Variants in MAF observed in about 807,000 individuals in gnomAD.
The protein encoded by MAF is MAF bZIP transcription factor, also known as transcription factor Maf.
Under a neutral mutation model 22.0 loss-of-function variants are expected in MAF, and 10 were observed. The observed-to-expected ratio is 0.45, with a 90% confidence interval of 0.28 to 0.77. The LOEUF is 0.77. Among genes scored for constraint, MAF ranks in the 30% least tolerant of loss-of-function variants. The pLI is 0.12. For missense variants in MAF, 544 were observed against 548.4 expected, an observed-to-expected ratio of 0.99 and a Z score of 0.08; for synonymous variants, 337 against 255.8, an observed-to-expected ratio of 1.32 and a Z score of -3.03.
chr16:79,399,333 T>C, the MAF span, among the ~76,000 whole-genome samples: 3 of 152,168 alleles, frequency 2.0e-5, no homozygotes, highest in South Asian at 6.2e-4. Flanking sequence ...TCAATTATTA[T>C]TATATCATCA....
chr16:79,209,921 C>T, the MAF span, among the ~76,000 whole-genome samples: 4 of 152,170 alleles, frequency 2.6e-5, no homozygotes, highest in East Asian at 1.9e-4. Flanking sequence ...ACTTGAGCCA[C>T]ACAAATCAAT....
At chr16:79,340,622 A>T in the MAF span, among the ~76,000 whole-genome samples, 1 of 151,870 alleles carries the variant, frequency 6.6e-6, no homozygotes, top group Non-Finnish European at 1.5e-5. Flanking sequence ...AATCTCAGAC[A>T]ACTTTATATG....
the MAF span, among the ~76,000 whole-genome samples, chr16:79,282,277 C>G: frequency 6.6e-6 from 1 of 152,126 alleles, no homozygotes; most frequent in African/African-American, 2.4e-5. Context: ...ATCCATGGCC[C>G]AGGCATTAAG....
the MAF span, among the ~76,000 whole-genome samples, chr16:79,358,999 T>G: frequency 4.6e-5 from 7 of 152,126 alleles, no homozygotes; most frequent in South Asian, 2.1e-4. Flanking sequence ...AGAAAGGCTC[T>G]CCACAAAATG....
intron 1 of MAF, chr16:79,597,398 G>A: frequency 1.2e-5 from 12 of 1,032,252 alleles, no homozygotes; most frequent in Non-Finnish European, 1.4e-5. Flanking sequence ...AAATAATGGG[G>A]CAGTTTCTCT....
At chr16:79,329,648 C>G in the MAF span, among the ~76,000 whole-genome samples, 2 of 152,194 alleles carry the variant, frequency 1.3e-5, no homozygotes, top group East Asian at 1.9e-4. Context: ...CTGAATAACC[C>G]TCTAAACACC....
the MAF span, among the ~76,000 whole-genome samples, chr16:79,291,460 G>A: frequency 6.6e-6 from 1 of 152,042 alleles, no homozygotes; most frequent in Non-Finnish European, 1.5e-5. Flanking sequence ...TCTCCAGCGG[G>A]TAGTGGCTTC....
chr16:79,413,655 G>C, the MAF span, among the ~76,000 whole-genome samples: 3 of 152,120 alleles, frequency 2.0e-5, no homozygotes, highest in South Asian at 6.2e-4. Flanking sequence ...AATAACATAT[G>C]TCAATAATGT....
the MAF span, among the ~76,000 whole-genome samples, chr16:79,321,928 T>C: frequency 6.6e-6 from 1 of 151,900 alleles, no homozygotes; most frequent in African/African-American, 2.4e-5. Flanking sequence ...AACTTGAACA[T>C]CCTGTTAAAA....
the MAF span, among the ~76,000 whole-genome samples, chr16:79,301,100 A>G: frequency 6.6e-6 from 1 of 152,196 alleles, no homozygotes; most frequent in Non-Finnish European, 1.5e-5. Flanking sequence ...AGAGCCGTCC[A>G]GGTAGGGAGG....
At chr16:79,278,252 C>G in the MAF span, among the ~76,000 whole-genome samples, 1 of 152,202 alleles carries the variant, frequency 6.6e-6, no homozygotes, top group Non-Finnish European at 1.5e-5. Flanking sequence ...GGCAACCGTT[C>G]AAGGGGAAAG....
the MAF span, among the ~76,000 whole-genome samples, chr16:79,576,340 T>C: frequency 6.6e-6 from 1 of 151,494 alleles, no homozygotes; most frequent in African/African-American, 2.4e-5. Flanking sequence ...AAAAAACTGG[T>C]TCCATGTTCT....
the MAF span, among the ~76,000 whole-genome samples, chr16:79,571,497 T>A: frequency 1.3e-4 from 20 of 150,658 alleles, no homozygotes; most frequent in South Asian, 6.3e-4. Flanking sequence ...GGTGCAGTAT[T>A]AGCATACTAC....
At chr16:79,426,714 G>C in the MAF span, among the ~76,000 whole-genome samples, 1 of 152,338 alleles carries the variant, frequency 6.6e-6, no homozygotes, top group East Asian at 1.9e-4. Flanking sequence ...ATTCACAGAA[G>C]GACATGTAGC....
At chr16:79,496,746 A>G in the MAF span, among the ~76,000 whole-genome samples, 747 of 152,350 alleles carry the variant, frequency 4.9e-3, 6 homozygotes, top group Non-Finnish European at 6.1e-3. Flanking sequence ...TATGAAAATA[A>G]ACACACCAGT....
chr16:79,465,972 C>G, the MAF span, among the ~76,000 whole-genome samples: 2 of 152,322 alleles, frequency 1.3e-5, no homozygotes, highest in East Asian at 3.9e-4. Context: ...GCTTGGCAAA[C>G]TTGTATTCAT....
At chr16:79,598,290 AACAC>A (rs1256581211) in intron 1 of MAF, 3 of 1,037,404 alleles carry the variant, frequency 2.9e-6, no homozygotes, top group Non-Finnish European at 3.5e-6. Flanking sequence ...AACAAAATAA[AACAC>A]ACACACACAC....
the MAF span, among the ~76,000 whole-genome samples, chr16:79,242,402 C>A: frequency 6.6e-6 from 1 of 150,916 alleles, no homozygotes; most frequent in Non-Finnish European, 1.5e-5. Context: ...GGGTTGCAAT[C>A]CTAGTCTCTG....
At chr16:79,467,082 CCT>C in the MAF span, among the ~76,000 whole-genome samples, 12 of 152,266 alleles carry the variant, frequency 7.9e-5, no homozygotes, top group South Asian at 1.5e-3. Context: ...TGTTGTCACC[CCT>C]GTTTAAAACA....
Sources: allele counts gnomAD v4.1 joint callset (sites outside exome capture counted in the v4.1 genomes callset), GRCh38; gene constraint gnomAD v4.1.1; transcripts MANE v1.5; gene names NCBI Gene and HGNC (gene_info 2026-07-23, HGNC 2026-07-21).